The following PPP2R2A variants were observed in gnomAD, a reference collection of about 807,000 sequenced individuals.
The protein encoded by PPP2R2A is serine/threonine-protein phosphatase 2A 55 kDa regulatory subunit B alpha isoform.
In PPP2R2A, 9 loss-of-function variants were observed where a neutral mutation model predicts 53.2. The observed-to-expected ratio is 0.17, with a 90% CI of 0.10 to 0.30. The LOEUF (loss-of-function observed/expected upper bound fraction) is 0.30. Ranked by LOEUF, PPP2R2A falls within the 10% of genes least tolerant of loss-of-function variation. The probability of loss-of-function intolerance (pLI) is 1.00; values close to 1 mark genes in which losing one functional copy is unlikely to be tolerated. For synonymous variants in PPP2R2A, 169 were observed against 174.2 expected (o/e 0.97, Z 0.23); for missense variants, 235 against 534.6 (o/e 0.44, Z 5.53).
In PPP2R2A at chr8:26,362,292, C is replaced by G. The variant is rs567958819; in HGVS notation, c.638-392C>G. 6.7e-6 allele frequency among the ~76,000 whole-genome samples: 1 copy of G among 148,966 alleles called. No individual in the cohort carries two copies. Among genetic ancestry groups the G allele is most frequent in the Non-Finnish European group, 1.5e-5 (1 of 67,390 alleles). On this transcript the variant is annotated intron_variant, in intron 6 of 9. Transcript: ENST00000380737. This position sits in a 1 kb window ranked among gnomAD's most constrained non-coding sequence, Gnocchi z 4.4. Reference sequence around the variant, plus strand: ...CGGATGGATCATGAGGTCAGGAGGTCGAGACCAGCCTGGCCAACATAGTGA... The same window carrying G: ...CGGATGGATCATGAGGTCAGGAGGTGGAGACCAGCCTGGCCAACATAGTGA...
At chr8:26,301,425 C>A (rs1357239448) in intron 2 of PPP2R2A, among the ~76,000 whole-genome samples, 1 of 151,536 alleles carries the variant, frequency 6.6e-6, no homozygotes, top group Non-Finnish European at 1.5e-5. Context: ...CTCAACCTCC[C>A]AGGCTCAAGC....
chr8:26,353,856 G>T (rs899849380), intron 3 of PPP2R2A, among the ~76,000 whole-genome samples: 1 of 152,192 alleles, frequency 6.6e-6, no homozygotes, highest in Non-Finnish European at 1.5e-5. Flanking sequence ...GCTGGGTAGT[G>T]CTGAATATGG....
chr8:26,327,720 G>A (rs1165996568), intron 2 of PPP2R2A, among the ~76,000 whole-genome samples: 1 of 152,132 alleles, frequency 6.6e-6, no homozygotes, highest in Non-Finnish European at 1.5e-5. Context: ...CCAGTAAAAT[G>A]TTCTCTTATA....
intron 2 of PPP2R2A, among the ~76,000 whole-genome samples, chr8:26,302,210 G>C (rs754538551): frequency 7.9e-5 from 12 of 152,310 alleles, no homozygotes; most frequent in Non-Finnish European, 1.6e-4. Flanking sequence ...TTTCTCAAAA[G>C]AACAGTGAAA....
chr8:26,317,738 A>G (rs1045336063), intron 2 of PPP2R2A, among the ~76,000 whole-genome samples: 4 of 152,200 alleles, frequency 2.6e-5, no homozygotes, highest in African/African-American at 9.7e-5. Flanking sequence ...TTAAAGACCC[A>G]CATACACAGT....
Position 26,360,398 on chromosome 8 carries a change from T to C in PPP2R2A, c.459+117T>C. 1.7e-6 allele frequency: 1 copy of C among 580,576 alleles called. No individual in the cohort carries two copies. Among genetic ancestry groups the C allele is most frequent in the Non-Finnish European group, 3.0e-6 (1 of 336,370 alleles). The allele number at this position is 580,576 out of a possible 1,614,324, so 36.0% of individuals were successfully genotyped here. A position where few individuals can be genotyped will look rare whatever the true frequency, so the allele number is the denominator to read the frequency against. ...AGTCTATCTCCCCTTTCCCAGTAAT[T>C]CTGTAATCAGGTAGGACATTGAGTA... On this transcript the variant is annotated intron_variant, in intron 5 of 9. Coordinates refer to ENST00000380737, the MANE Select transcript of PPP2R2A (RefSeq NM_002717.4). The surrounding 1 kb of genome is among the most constrained non-coding windows in gnomAD (Gnocchi z 4.5).
At chr8:26,327,053 A>C (rs761700393) in intron 2 of PPP2R2A, among the ~76,000 whole-genome samples, 28 of 152,238 alleles carry the variant, frequency 1.8e-4, no homozygotes, top group Non-Finnish European at 3.5e-4. Flanking sequence ...CATCTCTGGA[A>C]GTTACCTTGT....
chr8:26,367,060 C>T (rs1805412999), intron 9 of PPP2R2A, among the ~76,000 whole-genome samples: 1 of 152,114 alleles, frequency 6.6e-6, no homozygotes, highest in Non-Finnish European at 1.5e-5. Context: ...TGGAATTAAA[C>T]TGACATTTAA....
intron 2 of PPP2R2A, among the ~76,000 whole-genome samples, chr8:26,311,353 G>A (rs1802283250): frequency 6.6e-6 from 1 of 152,140 alleles, no homozygotes; most frequent in South Asian, 2.1e-4. Context: ...CACATTTTAG[G>A]CACTTCCAAT....
chr8:26,309,112 T>C (rs748827267), intron 2 of PPP2R2A, among the ~76,000 whole-genome samples: 37 of 152,206 alleles, frequency 2.4e-4, no homozygotes, highest in Admixed American at 6.5e-4. Flanking sequence ...CCACTCACCT[T>C]GGCCTCCCAA....
chr8:26,365,478 A>G (rs1306852445), intron 8 of PPP2R2A: 1 of 152,176 alleles, frequency 6.6e-6, no homozygotes, highest in Non-Finnish European at 1.5e-5. Context: ...AGAATAGAGA[A>G]TTCTAAGCAT....
rs891007824 is a variant in PPP2R2A, at chr8:26,321,159, G to T, written c.83-17731G>T. On this transcript the variant is annotated intron_variant, in intron 2 of 9. Coordinates refer to ENST00000380737, the MANE Select transcript of PPP2R2A (RefSeq NM_002717.4). The surrounding 1 kb of genome is among the most constrained non-coding windows in gnomAD (Gnocchi z 4.1). The stretch of plus-strand genomic sequence containing the variant: ...GGCCTTAGTGTTCATTTCTGTGGTT[G>T]TGAAGCGCTAGTAGGAGTAAGTGAC... Among the ~76,000 whole-genome samples the T allele has an allele frequency of 6.6e-6, 1 of 152,236 alleles. No homozygotes were observed. Among genetic ancestry groups the T allele is most frequent in the African/African-American group, 2.4e-5 (1 of 41,464 alleles).
At chr8:26,305,135 C>T (rs777872740) in intron 2 of PPP2R2A, among the ~76,000 whole-genome samples, 1 of 152,122 alleles carries the variant, frequency 6.6e-6, no homozygotes, top group Non-Finnish European at 1.5e-5. Flanking sequence ...GTAAATTTGA[C>T]TGCTTTAGAT....
chr8:26,360,170 T>C lies in PPP2R2A; in HGVS notation c.348T>C (p.Asp116=), dbSNP rs1805006776. ...GACTTTTCTTTATTTTCTTCCCAGA[T>C]AAAACAATAAAATTATGGAAAATCA... is the stretch of plus-strand genomic sequence containing the variant. ...NAAQFLLSTN[D]KTIKLWKISE... The change falls in exon 5 of 10, where the codon GAT becomes GAC. Residue 116 remains aspartate, a splice_region_variant and synonymous_variant. Transcript: ENST00000380737. This position sits in a 1 kb window ranked among gnomAD's most constrained non-coding sequence, Gnocchi z 4.5. 1 of 1,558,304 alleles carries C rather than the reference T, an allele frequency of 6.4e-7. No homozygotes were observed. The highest frequency in any genetic ancestry group is 1.4e-5 in the African/African-American group (1 of 73,226).
chr8:26,326,660 C>G (rs1296206270), intron 2 of PPP2R2A, among the ~76,000 whole-genome samples: 1 of 152,138 alleles, frequency 6.6e-6, no homozygotes, highest in Admixed American at 6.6e-5. Context: ...TACATAGATG[C>G]AAGAGTTTCA....
rs1805006506 is a variant in PPP2R2A at position 26,360,156 on chromosome 8, A to G, written c.347-13A>G. The stretch of plus-strand genomic sequence containing the variant: ...TTCAGTATTTTAAGGACTTTTCTTT[A>G]TTTTCTTCCCAGATAAAACAATAAA... On this transcript the variant is annotated splice_polypyrimidine_tract_variant and intron_variant, in intron 4 of 9. Coordinates refer to ENST00000380737, the MANE Select transcript of PPP2R2A (RefSeq NM_002717.4). The surrounding 1 kb of genome is among the most constrained non-coding windows in gnomAD (Gnocchi z 4.5). The G allele has an allele frequency of 3.4e-6, 5 of 1,453,996 alleles. No homozygotes were observed. Among genetic ancestry groups the G allele is most frequent in the East Asian group, 2.3e-5 (1 of 43,672 alleles). 90.1% of individuals were successfully genotyped at this position (1,453,996 alleles called of 1,614,324 possible). A position where few individuals can be genotyped will look rare whatever the true frequency, so the allele number is the denominator to read the frequency against.
Position 26,362,938 on chromosome 8 carries a change from C to A in PPP2R2A, c.802+90C>A. The A allele has an allele frequency of 7.6e-7, 1 of 1,308,790 alleles. No individual in the cohort carries two copies. Among genetic ancestry groups the A allele is most frequent in the Non-Finnish European group, 1.1e-6 (1 of 942,968 alleles). The allele number at this position is 1,308,790 out of a possible 1,614,324, so 81.1% of individuals were successfully genotyped here. A position where few individuals can be genotyped will look rare whatever the true frequency, so the allele number is the denominator to read the frequency against. ...CATGATAAGTACAATTACAGAGGTT[C>A]AAAGTCTTAAACCCGTGTGTCCAGA... On this transcript the variant is annotated intron_variant, in intron 7 of 9. Transcript: ENST00000380737. The surrounding 1 kb of genome is among the most constrained non-coding windows in gnomAD (Gnocchi z 4.4).
At chr8:26,308,726 T>G (rs1802135888) in intron 2 of PPP2R2A, among the ~76,000 whole-genome samples, 1 of 152,214 alleles carries the variant, frequency 6.6e-6, no homozygotes, top group Non-Finnish European at 1.5e-5. Context: ...GTTGATATTT[T>G]GACATCCTCC....
At chr8:26,329,806 G>A (rs985315134) in intron 2 of PPP2R2A, among the ~76,000 whole-genome samples, 7 of 152,168 alleles carry the variant, frequency 4.6e-5, no homozygotes, top group African/African-American at 1.7e-4. Flanking sequence ...TAAATCAAGG[G>A]AATGTTATAC....
Sources: allele counts gnomAD v4.1 joint callset (sites outside exome capture counted in the v4.1 genomes callset), GRCh38; gene constraint gnomAD v4.1.1; non-coding constraint Gnocchi (gnomAD v3.1); transcripts MANE v1.5; gene names NCBI Gene and HGNC (gene_info 2026-07-23, HGNC 2026-07-21).